Variants in ITLN1 observed in about 807,000 individuals in gnomAD.
The protein encoded by ITLN1 is intelectin 1.
A neutral mutation model predicts 36.2 loss-of-function variants in ITLN1; 29 were observed. The ratio of observed to expected loss-of-function variants is 0.80; its 90% CI spans 0.60 to 1.09. ITLN1 has a LOEUF of 1.09. ITLN1 is among the 50% of genes least tolerant of loss of function. ITLN1 has a pLI of 0.00. For missense variants in ITLN1, 358 were observed against 405.2 expected, an observed-to-expected ratio of 0.88 and a Z score of 1.00; for synonymous variants, 143 against 146.5, an observed-to-expected ratio of 0.98 and a Z score of 0.17.
At chr1:160,880,917 A>ATC (rs1362112955) in intron 5 of ITLN1, among the ~76,000 whole-genome samples, 4 of 152,080 alleles carry the variant, frequency 2.6e-5, no homozygotes, top group African/African-American at 9.7e-5. Flanking sequence ...CCACTTCATT[A>ATC]TCTCTCTCTC....
rs141236022 is a variant in ITLN1, at chr1:160,883,835, C to T, written c.59-309G>A. Among the ~76,000 whole-genome samples, 246 of 152,278 alleles carry T rather than the reference C, an allele frequency of 1.6e-3. 1 individual carries two copies. Among genetic ancestry groups the T allele is most frequent in the African/African-American group, 5.6e-3 (233 of 41,550 alleles). ...GAGTAATCAAAGACATTAAAGTTCC[C>T]CAGCAAGAGCTTGCCTCTAGAGGGA... On this transcript the variant is annotated intron_variant, in intron 2 of 7. Transcript: ENST00000326245.
chr1:160,881,270 A>T lies in ITLN1; in HGVS notation c.448T>A (p.Trp150Arg). 1 of 1,611,456 alleles carries T rather than the reference A, an allele frequency of 6.2e-7. No homozygotes were observed. The highest frequency in any genetic ancestry group is 8.5e-7 in the Non-Finnish European group (1 of 1,178,576). Residue 150 changes from tryptophan to arginine, a missense_variant, in exon 5 of 8, where the codon TGG becomes AGG. By Grantham distance (101) the Trp-to-Arg change is moderately radical (BLOSUM62 -3). Transcript: ENST00000326245. ...ATGGGGGACTTATTGGGCACGTGCC[A>T]GATGCCCAGGTCCTTGGCCTGGATG... ...YDIQAKDLGIWHVPNKSPMQH... is the reference protein window; with the variant it reads ...YDIQAKDLGIRHVPNKSPMQH...
intron 7 of ITLN1, among the ~76,000 whole-genome samples, chr1:160,878,304 A>T (rs1670623625): frequency 6.6e-6 from 1 of 152,060 alleles, no homozygotes; most frequent in African/African-American, 2.4e-5. Context: ...CGCTATACTT[A>T]CGGTACAGCC....
At chr1:160,883,587 T>C in intron 2 of ITLN1, 61 bp from the exon 3 acceptor site, 1 of 1,168,278 alleles carries the variant, frequency 8.6e-7, no homozygotes, top group Non-Finnish European at 1.3e-6. Flanking sequence ...CCCTCTCCTA[T>C]CACTAGTCCC....
chr1:160,877,460 C>G (rs937896778), intron 7 of ITLN1, among the ~76,000 whole-genome samples: 2 of 152,168 alleles, frequency 1.3e-5, no homozygotes, highest in Admixed American at 1.3e-4. Context: ...GCCCCAAAAT[C>G]TCCATCTCCT....
intron 7 of ITLN1, 49 bp downstream of exon 7, chr1:160,879,262 A>G (rs765840052): frequency 3.7e-6 from 5 of 1,341,304 alleles, no homozygotes; most frequent in Non-Finnish European, 5.4e-6. Context: ...ACACACACGG[A>G]CAAACTCGAC....
rs1471926073 is a variant in ITLN1, at chr1:160,882,184, T to C, written c.178A>G (p.Thr60Ala). The change falls in exon 4 of 8, where the codon ACT becomes GCT. Residue 60 changes from threonine to alanine, a missense_variant. By Grantham distance (58) the Thr-to-Ala change is moderately conservative. Transcript: ENST00000326245. ...GTCTGGTAGATAACACCATTCTCAG[T>C]GCGGAGAAAATACAGGCCATCTGTA... ...SAFDGLYFLR[T>A]ENGVIYQTFC... The C allele has an allele frequency of 1.3e-6, 2 of 1,586,846 alleles. No individual in the cohort carries two copies. Among genetic ancestry groups the C allele is most frequent in the African/African-American group, 2.7e-5 (2 of 74,626 alleles).
At chr1:160,880,071 GAAGGGGGCGGATCGCCA>G (rs1670651879) in intron 6 of ITLN1, among the ~76,000 whole-genome samples, 1 of 152,024 alleles carries the variant, frequency 6.6e-6, no homozygotes, top group Admixed American at 6.6e-5. Flanking sequence ...TTTGGGAGCC[GAAGGGGGCGGATCGCCA>G]AAGGTCAGGA....
Position 160,876,542 on chromosome 1 carries a change from G to T in ITLN1, c.*122C>A. On this transcript the variant is annotated 3_prime_UTR_variant, in exon 8 of 8. Coordinates refer to ENST00000326245, the MANE Select transcript of ITLN1 (RefSeq NM_017625.3). Reference sequence around the variant, plus strand: ...GGAATTCACAGAAACACCAAGCCTTGAGTCAATATGATTTATTGTTTTCTC... The same window carrying T: ...GGAATTCACAGAAACACCAAGCCTTTAGTCAATATGATTTATTGTTTTCTC... 9.5e-7 allele frequency: 1 copy of T among 1,048,014 alleles called. No homozygotes were observed. The highest frequency in any genetic ancestry group is 1.4e-6 in the Non-Finnish European group (1 of 715,438). The allele number at this position is 1,048,014 out of a possible 1,614,324, so 64.9% of individuals were successfully genotyped here.
At chr1:160,877,274 G>A (rs17387157) in intron 7 of ITLN1, among the ~76,000 whole-genome samples, 88,182 of 151,766 alleles carry the variant, frequency 0.58, 27,582 homozygotes, top group Non-Finnish European at 0.68. Context: ...TTTAGCTTTA[G>A]TGACATTATT....
At chr1:160,880,057 A>G (rs898688211) in intron 6 of ITLN1, among the ~76,000 whole-genome samples, 1 of 151,956 alleles carries the variant, frequency 6.6e-6, no homozygotes, top group Non-Finnish European at 1.5e-5. Flanking sequence ...TGTAATCCCA[A>G]CACTTTGGGA....
intron 7 of ITLN1, 44 bp downstream of exon 7, chr1:160,879,267 C>T (rs1484317281): frequency 2.8e-6 from 4 of 1,404,288 alleles, no homozygotes; most frequent in Admixed American, 1.7e-5. Flanking sequence ...CACGGACAAA[C>T]TCGACCTTAC....
rs538193604 is a variant in ITLN1 at position 160,877,724 on chromosome 1, T to C, written c.790-908A>G. Among the ~76,000 whole-genome samples the C allele has an allele frequency of 2.6e-5, 4 of 152,302 alleles. No individual in the cohort carries two copies. The East Asian group carries it at 7.7e-4, about 29-fold the overall frequency. The stretch of plus-strand genomic sequence containing the variant: ...GGACCTGGGTCCCCACAAAATCTCA[T>C]GTCGAATTGTAATCCCCAGTGTTGG... On this transcript the variant is annotated intron_variant, in intron 7 of 7. Transcript: ENST00000326245.
chr1:160,879,452 T>A, intron 6 of ITLN1, 38 bp from the exon 7 acceptor site: 1 of 1,543,596 alleles, frequency 6.5e-7, no homozygotes, highest in Non-Finnish European at 9.0e-7. Context: ...TCAAGGAAGA[T>A]GCTAGAAATT....
In ITLN1 at chr1:160,879,328, C is replaced by T. The variant is rs771914737; in HGVS notation, c.772G>A (p.Gly258Arg). Reference sequence around the variant, plus strand: ...AGACTCACGTGCTCAGTGTTACATCCGGTGACCCTCATTCCAGCACACAAG... The same window carrying T: ...AGACTCACGTGCTCAGTGTTACATCTGGTGACCCTCATTCCAGCACACAAG... ...NALCAGMRVT[G>R]CNTEHHCIGG... The change falls in exon 7 of 8, where the codon GGA becomes AGA. Residue 258 changes from glycine (G) to arginine (R), a missense_variant. By Grantham distance (125) the Gly-to-Arg change is moderately radical. Transcript: ENST00000326245. 4.3e-6 allele frequency: 7 copies of T among 1,613,650 alleles called. No individual in the cohort carries two copies. Among genetic ancestry groups the T allele is most frequent in the Admixed American group, 1.7e-5 (1 of 59,996 alleles).
intron 7 of ITLN1, among the ~76,000 whole-genome samples, chr1:160,877,711 C>T (rs184950463): frequency 3.7e-4 from 56 of 152,310 alleles, no homozygotes; most frequent in South Asian, 1.9e-3. Flanking sequence ...ACCTGGGTCC[C>T]CACAAAATCT....
At chr1:160,882,668 A>G (rs1352690654) in intron 3 of ITLN1, among the ~76,000 whole-genome samples, 1 of 152,202 alleles carries the variant, frequency 6.6e-6, no homozygotes, top group African/African-American at 2.4e-5. Flanking sequence ...TGAAATATCC[A>G]TGCTACAGCA....
chr1:160,881,009 TA>T, intron 5 of ITLN1, 144 bp downstream of exon 5: 1 of 1,006,126 alleles, frequency 9.9e-7, no homozygotes, highest in Non-Finnish European at 1.4e-6. Context: ...TTAGAATTCC[TA>T]AGAGAAGCAA....
intron 4 of ITLN1, among the ~76,000 whole-genome samples, chr1:160,881,735 G>A (rs111542822): frequency 0.026 from 3,944 of 149,696 alleles, 199 homozygotes; most frequent in African/African-American, 0.094. Context: ...CCAGGAGGCC[G>A]TGGTTGCTAT....
Sources: gnomAD v4.1 joint callset for allele counts (sites outside exome capture counted in the v4.1 genomes callset) on GRCh38, gnomAD v4.1.1 for gene constraint, MANE v1.5 for transcripts, NCBI Gene and HGNC (gene_info 2026-07-23, HGNC 2026-07-21) for gene names.